TMEM117: variants seen among roughly 807,000 people sequenced by gnomAD.
The protein encoded by TMEM117 is transmembrane protein 117.
Under a neutral mutation model 52.4 loss-of-function variants are expected in TMEM117, and 27 were observed. The ratio of observed to expected loss-of-function variants is 0.51; its 90% confidence interval spans 0.38 to 0.71. The LOEUF (loss-of-function observed/expected upper bound fraction) is 0.71, where lower values mean the gene tolerates loss of function less well. Ranked by LOEUF, TMEM117 falls within the 30% of genes least tolerant of loss-of-function variation. TMEM117 has a pLI of 0.00. For missense variants in TMEM117, 556 were observed against 630.5 expected, an observed-to-expected ratio of 0.88 and a Z score of 1.26; for synonymous variants, 215 against 206.3, an observed-to-expected ratio of 1.04 and a Z score of -0.36.
intron 4 of TMEM117, among the ~76,000 whole-genome samples, chr12:44,156,316 T>C (rs1242070025): frequency 6.6e-6 from 1 of 152,076 alleles, no homozygotes; most frequent in Non-Finnish European, 1.5e-5. Flanking sequence ...AATACAAATA[T>C]CATTAAGCTG....
intron 2 of TMEM117, among the ~76,000 whole-genome samples, chr12:43,854,109 C>A (rs1259459662): frequency 6.6e-6 from 1 of 152,166 alleles, no homozygotes; most frequent in African/African-American, 2.4e-5. Context: ...TAGACTTTAT[C>A]TCTTCCATTA....
At chr12:44,096,276 T>C (rs1947759698) in intron 3 of TMEM117, among the ~76,000 whole-genome samples, 2 of 152,278 alleles carry the variant, frequency 1.3e-5, no homozygotes, top group African/African-American at 2.4e-5. Flanking sequence ...ATCGTGTAAA[T>C]GGCCATACTG....
intron 5 of TMEM117, among the ~76,000 whole-genome samples, chr12:44,284,671 G>C (rs1041153953): frequency 3.3e-5 from 5 of 152,282 alleles, no homozygotes; most frequent in African/African-American, 1.2e-4. Context: ...GATGATAAAG[G>C]ATGAACATTT....
At chr12:44,312,213 G>C (rs569055677) in intron 6 of TMEM117, among the ~76,000 whole-genome samples, 4 of 152,008 alleles carry the variant, frequency 2.6e-5, no homozygotes, top group Admixed American at 2.6e-4. Context: ...CCTAGGTAGT[G>C]AGCATAGTAC....
chr12:44,298,860 G>T (rs879754458), intron 5 of TMEM117, among the ~76,000 whole-genome samples: 5 of 150,520 alleles, frequency 3.3e-5, no homozygotes, highest in Non-Finnish European at 5.9e-5. Flanking sequence ...TGATGAGTCT[G>T]GTCTAACTAT....
chr12:43,933,602 T>C, intron 2 of TMEM117, among the ~76,000 whole-genome samples: 1 of 151,684 alleles, frequency 6.6e-6, no homozygotes, highest in Non-Finnish European at 1.5e-5. Context: ...TCTCACTCTG[T>C]CGCCAGGCTG....
At chr12:44,304,695 GACA>G (rs1037422115) in intron 6 of TMEM117, among the ~76,000 whole-genome samples, 4 of 152,150 alleles carry the variant, frequency 2.6e-5, no homozygotes, top group African/African-American at 9.7e-5. Flanking sequence ...TCTACCTCTG[GACA>G]ACATTTCTGG....
chr12:44,287,138 T>A (rs1310855928), intron 5 of TMEM117, among the ~76,000 whole-genome samples: 1 of 152,202 alleles, frequency 6.6e-6, no homozygotes, highest in Non-Finnish European at 1.5e-5. Flanking sequence ...CCCTTCTTAG[T>A]CTCACATTCT....
rs73274108 is a variant in TMEM117 at position 44,243,750 on chromosome 12, C to A, written c.608+32363C>A. 4.0e-3 allele frequency among the ~76,000 whole-genome samples: 604 copies of A among 151,842 alleles called. 7 individuals carry two copies. The highest frequency in any genetic ancestry group is 0.014 in the African/African-American group (580 of 41,478). On this transcript the variant is annotated intron_variant, in intron 5 of 7. Transcript: ENST00000266534. ...ATTCCTCCTAACTGAAACTTTGAAC[C>A]TTTTGACTGACATCTTCTCTTTCCC...
chr12:44,130,917 T>A (rs557721216), intron 3 of TMEM117, among the ~76,000 whole-genome samples: 48 of 152,258 alleles, frequency 3.2e-4, no homozygotes, highest in African/African-American at 1.1e-3. Flanking sequence ...TTTTTCTGTA[T>A]ATTTTTATCA....
chr12:44,179,236 G>A (rs1300738386), intron 4 of TMEM117, among the ~76,000 whole-genome samples: 1 of 151,818 alleles, frequency 6.6e-6, no homozygotes, highest in Non-Finnish European at 1.5e-5. Flanking sequence ...ATACATAAAG[G>A]GAGTTTATTA....
intron 3 of TMEM117, among the ~76,000 whole-genome samples, chr12:44,136,059 T>G (rs542894943): frequency 2.0e-5 from 3 of 152,204 alleles, no homozygotes; most frequent in South Asian, 4.1e-4. Flanking sequence ...TAATAAAAAC[T>G]TATGGCAATG....
chr12:44,388,698 A>T lies in TMEM117; in HGVS notation c.*26A>T. 2 of 1,598,762 alleles carry T rather than the reference A, an allele frequency of 1.3e-6. No homozygotes were observed. The highest frequency in any genetic ancestry group is 1.7e-6 in the Non-Finnish European group (2 of 1,172,924). ...ACTCGGAGATAGACTTGGAGATAAC[A>T]CAAAAAGCAACCTTGAGTGTAACTT... On this transcript the variant is annotated 3_prime_UTR_variant, in exon 8 of 8. Coordinates refer to ENST00000266534, the MANE Select transcript of TMEM117 (RefSeq NM_032256.3).
intron 3 of TMEM117, among the ~76,000 whole-genome samples, chr12:44,065,211 T>C (rs561617674): frequency 7.9e-5 from 12 of 152,010 alleles, no homozygotes; most frequent in Admixed American, 2.0e-4. Flanking sequence ...AAACCCTGTT[T>C]CTACTAAAAA....
At chr12:44,203,803 G>C (rs1294318799) in intron 4 of TMEM117, among the ~76,000 whole-genome samples, 3 of 152,090 alleles carry the variant, frequency 2.0e-5, no homozygotes, top group African/African-American at 7.2e-5. Context: ...TAATGTTGTG[G>C]TTTGAGAGTG....
the TMEM117 span, among the ~76,000 whole-genome samples, chr12:43,809,308 TA>T: frequency 6.6e-6 from 1 of 152,256 alleles, no homozygotes; most frequent in African/African-American, 2.4e-5. Flanking sequence ...CTATTTGCGT[TA>T]GATTTTCCTA....
intron 2 of TMEM117, among the ~76,000 whole-genome samples, chr12:43,848,931 C>T (rs1010585561): frequency 3.9e-5 from 6 of 152,136 alleles, no homozygotes; most frequent in African/African-American, 1.4e-4. Context: ...TGAAACTCAA[C>T]AGCTGAGATG....
At chr12:44,338,812 T>G (rs1951377609) in intron 6 of TMEM117, among the ~76,000 whole-genome samples, 1 of 151,960 alleles carries the variant, frequency 6.6e-6, no homozygotes, top group Admixed American at 6.6e-5. Context: ...ATCATTAGAG[T>G]TTTTGGCAGA....
intron 6 of TMEM117, among the ~76,000 whole-genome samples, chr12:44,324,513 A>C (rs923143558): frequency 2.0e-5 from 3 of 152,090 alleles, no homozygotes; most frequent in Non-Finnish European, 4.4e-5. Flanking sequence ...AGGGTACTAC[A>C]TTAAAAATGT....
Sources: gnomAD v4.1 joint callset for allele counts (sites outside exome capture counted in the v4.1 genomes callset) on GRCh38, gnomAD v4.1.1 for gene constraint, MANE v1.5 for transcripts, NCBI Gene and HGNC (gene_info 2026-07-23, HGNC 2026-07-21) for gene names.